ST18: variants seen among roughly 807,000 people sequenced by gnomAD.
The protein encoded by ST18 is suppression of tumorigenicity 18 protein.
Under a neutral mutation model 110.0 loss-of-function variants are expected in ST18, and 50 were observed. The ratio of observed to expected loss-of-function variants is 0.45; its 90% CI spans 0.36 to 0.58. The LOEUF is 0.58. Ranked by LOEUF, ST18 falls within the 20% of genes least tolerant of loss-of-function variation. The pLI, the probability that ST18 is intolerant of heterozygous loss-of-function variation, is 0.00. For synonymous variants in ST18, 461 were observed against 452.4 expected, an observed-to-expected ratio of 1.02 and a Z score of -0.24; for missense variants, 1,306 against 1,280.1, an observed-to-expected ratio of 1.02 and a Z score of -0.31.
At chr8:52,227,093 C>T (rs564293170) in intron 3 of ST18, among the ~76,000 whole-genome samples, 6 of 152,246 alleles carry the variant, frequency 3.9e-5, no homozygotes, top group African/African-American at 1.2e-4. Flanking sequence ...AAGCAAATGA[C>T]ATGACTCAAT....
chr8:52,166,776 T>C (rs2303457), intron 11 of ST18, 76 bp downstream of exon 11: 244,488 of 1,381,856 alleles, frequency 0.18, 27,191 homozygotes, highest in African/African-American at 0.54. Context: ...TAATTCCAAA[T>C]TGGGAGACAA....
chr8:52,142,306 T>C (rs1176158538), intron 17 of ST18, among the ~76,000 whole-genome samples: 1 of 152,150 alleles, frequency 6.6e-6, no homozygotes. Flanking sequence ...TGGAAAAGTT[T>C]AAACATATTT....
At chr8:52,133,586 TGTA>T (rs2050678159) in intron 19 of ST18, among the ~76,000 whole-genome samples, 4 of 152,006 alleles carry the variant, frequency 2.6e-5, no homozygotes, top group African/African-American at 9.7e-5. Context: ...TGTTGTTTAT[TGTA>T]CATTCTTTTT....
intron 8 of ST18, among the ~76,000 whole-genome samples, chr8:52,186,730 G>A (rs1381033511): frequency 6.6e-6 from 1 of 152,178 alleles, no homozygotes; most frequent in Non-Finnish European, 1.5e-5. Context: ...TGAGGAAAAG[G>A]CAATTGTTGC....
intron 2 of ST18, among the ~76,000 whole-genome samples, chr8:52,318,888 G>A (rs1027796056): frequency 6.6e-6 from 1 of 151,612 alleles, no homozygotes; most frequent in African/African-American, 2.4e-5. Context: ...ATGGACACAT[G>A]GGGGGGTGGG....
intron 8 of ST18, among the ~76,000 whole-genome samples, chr8:52,200,267 A>G (rs1043373521): frequency 4.6e-5 from 7 of 152,362 alleles, no homozygotes; most frequent in Admixed American, 4.6e-4. Flanking sequence ...CATAAAAAAT[A>G]AAGCAGAAGG....
intron 2 of ST18, among the ~76,000 whole-genome samples, chr8:52,340,940 T>C (rs1218037836): frequency 6.6e-6 from 1 of 151,930 alleles, no homozygotes; most frequent in Non-Finnish European, 1.5e-5. Context: ...GCCTCTTTCC[T>C]GAGTTTAAAA....
intron 2 of ST18, among the ~76,000 whole-genome samples, chr8:52,341,903 G>A (rs969447852): frequency 6.6e-6 from 1 of 152,116 alleles, no homozygotes; most frequent in African/African-American, 2.4e-5. Context: ...GGCTGCCAAA[G>A]AGCACCCACC....
intron 2 of ST18, among the ~76,000 whole-genome samples, chr8:52,319,907 G>A (rs1803123940): frequency 1.3e-5 from 2 of 152,174 alleles, no homozygotes; most frequent in Admixed American, 1.3e-4. Context: ...CAAACAGTGA[G>A]TATTCCAAGA....
In ST18 at chr8:52,159,045, CTG is replaced by C; in HGVS notation, c.1657_1658del (p.Gln553GlufsTer9). ...NRLPSAGAHTQSPGRASSYSY... is the reference protein window; with the variant it reads ...NRLPSAGAHTXSPGRASSYSY... ...TATAAGAGCTGGCACGGCCAGGGCT[CTG>C]GGTGTGGGCGCCTGCACTAGGCAGT... On this transcript the variant is annotated frameshift_variant, in exon 15 of 26. Transcript: ENST00000689386. LOFTEE classifies it high-confidence loss of function. 6.2e-7 allele frequency: 1 copy of C among 1,614,134 alleles called. No homozygotes were observed. The highest frequency in any genetic ancestry group is 8.5e-7 in the Non-Finnish European group (1 of 1,180,020).
chr8:52,332,530 C>CTTTTTTTTT (rs140331895), intron 2 of ST18, among the ~76,000 whole-genome samples: 1 of 49,768 alleles, frequency 2.0e-5, no homozygotes, highest in African/African-American at 6.6e-5. Flanking sequence ...TCTAATGTAG[C>CTTTTTTTTT]TTTTTTTTTT....
rs377261709 is a variant in ST18 at position 52,220,909 on chromosome 8, C to T, written c.-264-61G>A. 8 of 152,220 alleles carry T rather than the reference C, an allele frequency of 5.3e-5. 1 individual carries two copies. In the South Asian group the frequency reaches 1.7e-3, roughly 32 times the overall value. The allele number at this position is 152,220 out of a possible 1,614,324, so 9.4% of individuals were successfully genotyped here. A position where few individuals can be genotyped will look rare whatever the true frequency, so the allele number is the denominator to read the frequency against. On this transcript the variant is annotated intron_variant, in intron 4 of 25. Transcript: ENST00000689386. ...CAGGCTGGACAAATAAATAGAAGAG[C>T]AGCAATAAACACTTAAATGAACAAT...
intron 2 of ST18, among the ~76,000 whole-genome samples, chr8:52,304,333 C>T (rs2095779623): frequency 1.3e-5 from 2 of 152,078 alleles, no homozygotes; most frequent in African/African-American, 2.4e-5. Flanking sequence ...AGTACATACA[C>T]ACACACACAT....
intron 2 of ST18, among the ~76,000 whole-genome samples, chr8:52,370,559 A>G (rs1003094919): frequency 6.6e-6 from 1 of 152,202 alleles, no homozygotes; most frequent in Non-Finnish European, 1.5e-5. Context: ...ATGTTTAAGC[A>G]TTCTGGACAT....
At chr8:52,395,192 G>T (rs1034051374) in intron 2 of ST18, among the ~76,000 whole-genome samples, 1 of 152,222 alleles carries the variant, frequency 6.6e-6, no homozygotes, top group African/African-American at 2.4e-5. Flanking sequence ...ACTTCACTGA[G>T]CATCTACTGT....
rs187301234 is a variant in ST18, at chr8:52,197,899, A to T, written c.86+14180T>A. ...AGCAAAACAAAATGAGCACACACAC[A>T]CACACACACACACAAATACAGAACT... On this transcript the variant is annotated intron_variant, in intron 8 of 25. Coordinates refer to ENST00000689386, the MANE Select transcript of ST18 (RefSeq NM_001352837.2). Among the ~76,000 whole-genome samples, 34 of 151,702 alleles carry T rather than the reference A, an allele frequency of 2.2e-4. No individual in the cohort carries two copies. The East Asian group carries it at 6.2e-3, about 28-fold the overall frequency.
intron 2 of ST18, among the ~76,000 whole-genome samples, chr8:52,400,184 G>A (rs1842441483): frequency 6.6e-6 from 1 of 152,018 alleles, no homozygotes; most frequent in Non-Finnish European, 1.5e-5. Flanking sequence ...TCTTACAACA[G>A]TTTTTAACTT....
At chr8:52,218,483 G>A (rs932410524) in intron 5 of ST18, among the ~76,000 whole-genome samples, 1 of 150,874 alleles carries the variant, frequency 6.6e-6, no homozygotes, top group Admixed American at 6.6e-5. Context: ...TGCCTCCCGG[G>A]TTCAAGCGGT....
chr8:52,208,832 TAAATAAA>T (rs2081114560), intron 8 of ST18, among the ~76,000 whole-genome samples: 1 of 151,980 alleles, frequency 6.6e-6, no homozygotes, highest in Non-Finnish European at 1.5e-5. Flanking sequence ...AATAAATAAA[TAAATAAA>T]TAAATAGATA....
Sources: allele counts gnomAD v4.1 joint callset (sites outside exome capture counted in the v4.1 genomes callset), GRCh38; gene constraint gnomAD v4.1.1; transcripts MANE v1.5; gene names NCBI Gene and HGNC (gene_info 2026-07-23, HGNC 2026-07-21).